CNIH3: variants seen among roughly 807,000 people sequenced by gnomAD.
The protein encoded by CNIH3 is cornichon family AMPA receptor auxiliary protein 3.
Under a neutral mutation model 24.1 loss-of-function variants are expected in CNIH3, and 14 were observed. That is an observed-to-expected ratio of 0.58 (90% CI 0.38 to 0.91). CNIH3 has a LOEUF of 0.91. CNIH3 is among the 40% of genes least tolerant of loss of function. The pLI, the probability that CNIH3 is intolerant of heterozygous loss-of-function variation, is 0.00. For missense variants in CNIH3, 178 were observed against 196.8 expected (o/e 0.90, Z 0.57); for synonymous variants, 68 against 73.8 (o/e 0.92, Z 0.40).
rs186024998 is a variant in CNIH3, at chr1:224,605,429, A to T, written n.402+39165A>T. On this transcript the variant is annotated intron_variant and non_coding_transcript_variant, in intron 3 of 7. Transcript: ENST00000478120. ...TGGGGTGGGCCAAGCTAACTTTGGG[A>T]GAAATGTAGTTTATACTTTAAATAA... Among the ~76,000 whole-genome samples the T allele has an allele frequency of 3.9e-5, 6 of 152,312 alleles. No homozygotes were observed. In the East Asian group the frequency reaches 1.2e-3, roughly 29 times the overall value.
At chr1:224,723,118 A>G (rs929459767) in intron 3 of CNIH3, among the ~76,000 whole-genome samples, 9 of 152,132 alleles carry the variant, frequency 5.9e-5, no homozygotes, top group African/African-American at 2.2e-4. Context: ...CTGGTCCCCA[A>G]CGAGCAGTGA....
At chr1:224,507,401 G>A (rs1471221407) in intron 1 of CNIH3, among the ~76,000 whole-genome samples, 6 of 152,188 alleles carry the variant, frequency 3.9e-5, no homozygotes, top group Non-Finnish European at 8.8e-5. Flanking sequence ...GATAATAATA[G>A]TGCCTATGTT....
chr1:224,689,278 G>A (rs1341265860), intron 3 of CNIH3, among the ~76,000 whole-genome samples: 1 of 152,206 alleles, frequency 6.6e-6, no homozygotes, highest in Non-Finnish European at 1.5e-5. Context: ...AGAATTAAGT[G>A]AGGTAATATG....
At chr1:224,525,530 T>C (rs10799582) in intron 2 of CNIH3, among the ~76,000 whole-genome samples, 27,249 of 152,226 alleles carry the variant, frequency 0.18, 2,667 homozygotes, top group South Asian at 0.34. Flanking sequence ...AGCTCACTGA[T>C]GCATGGATGC....
chr1:224,445,617 T>C (rs967021910), intron 1 of CNIH3, among the ~76,000 whole-genome samples: 2 of 150,966 alleles, frequency 1.3e-5, no homozygotes, highest in African/African-American at 4.9e-5. Context: ...GTTGCCTTTC[T>C]ATTATTGATG....
upstream of CNIH3, among the ~76,000 whole-genome samples, chr1:224,514,958 C>G (rs959101923): frequency 2.0e-5 from 3 of 152,240 alleles, no homozygotes; most frequent in African/African-American, 7.2e-5. Context: ...AATTGCCCCA[C>G]ATCTTGGTGA....
upstream of CNIH3, among the ~76,000 whole-genome samples, chr1:224,515,287 T>C (rs1678334664): frequency 2.0e-5 from 3 of 152,230 alleles, no homozygotes; most frequent in Admixed American, 1.3e-4. Flanking sequence ...CTTTTGTACA[T>C]GCATGACTGT....
intron 3 of CNIH3, among the ~76,000 whole-genome samples, chr1:224,718,171 C>A (rs543738491): frequency 3.8e-4 from 58 of 152,050 alleles, no homozygotes; most frequent in African/African-American, 1.4e-3. Flanking sequence ...ATGCTGAGAG[C>A]CATGGAAAAA....
chr1:224,682,126 A>G (rs1026559268), intron 2 of CNIH3, among the ~76,000 whole-genome samples: 6 of 152,188 alleles, frequency 3.9e-5, no homozygotes, highest in African/African-American at 1.4e-4. Context: ...GGAGGTACCA[A>G]AAGACCATAT....
At chr1:224,470,824 G>A (rs750816656) in intron 1 of CNIH3, among the ~76,000 whole-genome samples, 2 of 151,932 alleles carry the variant, frequency 1.3e-5, no homozygotes, top group South Asian at 2.1e-4. Context: ...TTTTTTGGGG[G>A]TACATAGTAG....
intron 1 of CNIH3, among the ~76,000 whole-genome samples, chr1:224,517,212 T>A (rs1175688014): frequency 6.6e-6 from 1 of 152,162 alleles, no homozygotes; most frequent in Non-Finnish European, 1.5e-5. Context: ...CATACTCCCA[T>A]GGGGCAGTGC....
At chr1:224,534,300 T>G (rs959911737) in intron 2 of CNIH3, among the ~76,000 whole-genome samples, 4 of 151,970 alleles carry the variant, frequency 2.6e-5, no homozygotes, top group Non-Finnish European at 5.9e-5. Flanking sequence ...ATATGAAGAG[T>G]GTAAATGTTT....
intron 4 of CNIH3, among the ~76,000 whole-genome samples, chr1:224,581,437 T>G (rs926587593): frequency 6.6e-6 from 1 of 152,218 alleles, no homozygotes; most frequent in African/African-American, 2.4e-5. Flanking sequence ...CTTTCCTGTT[T>G]CTTTTTCACA....
chr1:224,637,390 C>T (rs1275215339), intron 1 of CNIH3, among the ~76,000 whole-genome samples: 2 of 151,350 alleles, frequency 1.3e-5, no homozygotes, highest in Non-Finnish European at 2.9e-5. Context: ...TCCCCACCCC[C>T]CAAGTTAGTT....
chr1:224,645,940 C>T (rs1197842112), intron 1 of CNIH3, among the ~76,000 whole-genome samples: 1 of 152,210 alleles, frequency 6.6e-6, no homozygotes, highest in East Asian at 1.9e-4. Flanking sequence ...ATCATCTCTT[C>T]CCCTTGGCAG....
chr1:224,522,709 A>G (rs1428171907), intron 2 of CNIH3, among the ~76,000 whole-genome samples: 2 of 152,242 alleles, frequency 1.3e-5, no homozygotes, highest in Non-Finnish European at 2.9e-5. Context: ...AGGAGATCCC[A>G]CTACACATTC....
intron 2 of CNIH3, among the ~76,000 whole-genome samples, chr1:224,533,442 A>G (rs939090974): frequency 2.0e-5 from 3 of 151,772 alleles, no homozygotes; most frequent in Admixed American, 6.6e-5. Flanking sequence ...TTAAAAGTCT[A>G]TCTGCTGTAT....
At chr1:224,738,064 C>T (rs891188618) in intron 5 of CNIH3, among the ~76,000 whole-genome samples, 3 of 152,198 alleles carry the variant, frequency 2.0e-5, no homozygotes, top group Non-Finnish European at 4.4e-5. Context: ...TTATGATTTA[C>T]TTGTTCCTTG....
intron 1 of CNIH3, among the ~76,000 whole-genome samples, chr1:224,620,750 AGC>A (rs1299260825): frequency 6.6e-6 from 1 of 152,192 alleles, no homozygotes; most frequent in Admixed American, 6.5e-5. Flanking sequence ...TCGTAATCCC[AGC>A]ACTTTGGGAG....
Sources: allele counts gnomAD v4.1 joint callset (sites outside exome capture counted in the v4.1 genomes callset), GRCh38; gene constraint gnomAD v4.1.1; transcripts MANE v1.5; gene names NCBI Gene and HGNC (gene_info 2026-07-23, HGNC 2026-07-21).